Variants in TRAFD1 observed in about 807,000 individuals in gnomAD.
TRAFD1 encodes TRAF-type zinc finger domain containing 1, also known as TRAF-type zinc finger domain-containing protein 1.
Under a neutral mutation model 65.3 loss-of-function variants are expected in TRAFD1, and 38 were observed. The ratio of observed to expected loss-of-function variants is 0.58; its 90% CI spans 0.45 to 0.76. TRAFD1 has a LOEUF of 0.76. Among genes scored for constraint, TRAFD1 ranks in the 30% least tolerant of loss-of-function variants. The probability of loss-of-function intolerance (pLI) is 0.00; values close to 1 mark genes in which losing one functional copy is unlikely to be tolerated. For synonymous variants in TRAFD1, 223 were observed against 257.2 expected, an observed-to-expected ratio of 0.87 and a Z score of 1.27; for missense variants, 631 against 712.6, an observed-to-expected ratio of 0.89 and a Z score of 1.30.
At chr12:112,150,586 G>T (rs938673791) in intron 9 of TRAFD1, among the ~76,000 whole-genome samples, 2 of 151,416 alleles carry the variant, frequency 1.3e-5, no homozygotes, top group African/African-American at 4.9e-5. Flanking sequence ...TTTAGACAGG[G>T]TCTCTTTGTC....
intron 6 of TRAFD1, among the ~76,000 whole-genome samples, chr12:112,145,172 G>A (rs1358699312): frequency 1.3e-5 from 2 of 152,144 alleles, no homozygotes; most frequent in South Asian, 4.1e-4. Flanking sequence ...ACTGGGAGGA[G>A]TATTCAGGAT....
intron 4 of TRAFD1, among the ~76,000 whole-genome samples, chr12:112,138,340 A>C (rs2136973640): frequency 6.6e-6 from 1 of 152,304 alleles, no homozygotes; most frequent in Admixed American, 6.5e-5. Context: ...ACTTGAGGTC[A>C]GAAGTTCAAG....
intron 1 of TRAFD1, among the ~76,000 whole-genome samples, chr12:112,129,029 TAA>T (rs543476356): frequency 2.1e-4 from 19 of 91,514 alleles, no homozygotes; most frequent in South Asian, 1.0e-3. Context: ...AGACTCTGTT[TAA>T]AAAAAAAAAA....
intron 8 of TRAFD1, 116 bp downstream of exon 8, chr12:112,148,420 C>A: frequency 1.1e-6 from 1 of 875,072 alleles, no homozygotes. Flanking sequence ...GGAATGCACA[C>A]ACTTGGCTTC....
At chr12:112,140,419 CA>C (rs548396276) in intron 4 of TRAFD1, among the ~76,000 whole-genome samples, 2,133 of 69,184 alleles carry the variant, frequency 0.031, 37 homozygotes, top group African/African-American at 0.086. Context: ...GACACTGTCT[CA>C]AAAAAAAAAA....
At chr12:112,151,737 C>G (rs1593874638) in intron 9 of TRAFD1, 64 bp from the exon 10 acceptor site, 1 of 1,497,158 alleles carries the variant, frequency 6.7e-7, no homozygotes, top group South Asian at 1.3e-5. Flanking sequence ...TGTTCCTGCC[C>G]TAAACCTGGC....
intron 3 of TRAFD1, 66 bp from the exon 4 acceptor site, chr12:112,134,947 A>C: frequency 6.2e-7 from 1 of 1,613,806 alleles, no homozygotes; most frequent in Admixed American, 1.7e-5. Context: ...TCTGTTTGCT[A>C]TTGTGCAATA....
chr12:112,152,711 C>G lies in TRAFD1; in HGVS notation c.1693-24C>G, dbSNP rs373393335. ...CTTTTTCACTTTTTATGTAAAGCTTCGTTTGTGTTGTGTTGTTCACCAGGC... is the reference window on the plus strand; with the variant it reads ...CTTTTTCACTTTTTATGTAAAGCTTGGTTTGTGTTGTGTTGTTCACCAGGC... On this transcript the variant is annotated intron_variant, in intron 11 of 11. Coordinates refer to ENST00000412615, the MANE Select transcript of TRAFD1 (RefSeq NM_006700.3). This position sits in a 1 kb window ranked among gnomAD's most constrained non-coding sequence, Gnocchi z 5.0. The G allele has an allele frequency of 7.9e-5, 128 of 1,614,068 alleles. 1 individual carries two copies. The South Asian group carries it at 1.2e-3, about 15-fold the overall frequency.
At position 112,148,245 on chromosome 12, in the gene TRAFD1, A is replaced by G. The variant is rs760026293; in HGVS notation, c.1099A>G (p.Ile367Val). 6.8e-6 allele frequency: 11 copies of G among 1,614,036 alleles called. No homozygotes were observed. The highest frequency in any genetic ancestry group is 6.8e-6 in the Non-Finnish European group (8 of 1,180,018). ...SNSHPVEESI[I>V]IPCEFCGVQL... ...TTCACACCCTGTGGAGGAGAGCATCATTATCCCATGTGAATTCTGTGGGGT... is the reference window on the plus strand; with the variant it reads ...TTCACACCCTGTGGAGGAGAGCATCGTTATCCCATGTGAATTCTGTGGGGT... The change falls in exon 8 of 12, where the codon ATT (isoleucine) becomes GTT (valine). Residue 367 changes from isoleucine to valine, a missense_variant. Physicochemically the swap from Ile to Val is conservative, Grantham distance 29 (BLOSUM62 3). Coordinates refer to ENST00000412615, the MANE Select transcript of TRAFD1 (RefSeq NM_006700.3).
intron 1 of TRAFD1, among the ~76,000 whole-genome samples, chr12:112,127,448 G>A (rs1324743561): frequency 1.3e-5 from 2 of 152,180 alleles, no homozygotes; most frequent in Non-Finnish European, 2.9e-5. Flanking sequence ...CCAGGGCACA[G>A]TGGCACACAG....
At chr12:112,143,456 G>A (rs2030146397) in intron 6 of TRAFD1, among the ~76,000 whole-genome samples, 1 of 148,242 alleles carries the variant, frequency 6.7e-6, no homozygotes, top group South Asian at 2.1e-4. Flanking sequence ...AACTCTTGAT[G>A]TCAGGTGATC....
At chr12:112,140,093 G>A (rs1402469627) in intron 4 of TRAFD1, 8 of 318,546 alleles carry the variant, frequency 2.5e-5, no homozygotes, top group African/African-American at 4.5e-5. Context: ...TCTTTCTAAA[G>A]TGCAGTTTCT....
At chr12:112,143,189 C>T (rs1044913847) in intron 6 of TRAFD1, among the ~76,000 whole-genome samples, 50 of 152,318 alleles carry the variant, frequency 3.3e-4, no homozygotes, top group Admixed American at 2.4e-3. Context: ...ACGCCATTCA[C>T]CTGCCTCAGT....
At chr12:112,146,403 G>A (rs2030248466) in intron 7 of TRAFD1, among the ~76,000 whole-genome samples, 1 of 151,916 alleles carries the variant, frequency 6.6e-6, no homozygotes, top group African/African-American at 2.4e-5. Context: ...GCTCATTTCA[G>A]CAGACCTGGA....
In TRAFD1 at chr12:112,152,042, C is replaced by G. The variant is rs1279999565; in HGVS notation, c.1521C>G (p.Ala507=). The G allele has an allele frequency of 6.2e-7, 1 of 1,614,206 alleles. No individual in the cohort carries two copies. The highest frequency in any genetic ancestry group is 1.1e-5 in the South Asian group (1 of 91,082). ...GAGACAGCCAGAATGGGGCCATAGC[C>G]CCTGGGCACGTTTCAGTGATTCGCC... ...RNRDSQNGAI[A]PGHVSVIRPP... Residue 507 remains alanine, a synonymous_variant, in exon 10 of 12, where the codon GCC becomes GCG. Transcript: ENST00000412615. This position sits in a 1 kb window ranked among gnomAD's most constrained non-coding sequence, Gnocchi z 5.0.
intron 9 of TRAFD1, 54 bp from the exon 10 acceptor site, chr12:112,151,747 C>T (rs1423803946): frequency 6.6e-6 from 10 of 1,524,524 alleles, no homozygotes; most frequent in Admixed American, 3.8e-5. Flanking sequence ...CTAAACCTGG[C>T]ACTATAGCCA....
chr12:112,152,017 G>C lies in TRAFD1; in HGVS notation c.1496G>C (p.Arg499Pro). ...SDSQDIQGRN[R>P]DSQNGAIAPG... ...AGCCAGGACATCCAGGGGCGGAATC[G>C]AGACAGCCAGAATGGGGCCATAGCC... The change falls in exon 10 of 12, where the codon CGA (arginine) becomes CCA (proline). Residue 499 changes from arginine to proline, a missense_variant. Transcript: ENST00000412615. The surrounding 1 kb of genome is among the most constrained non-coding windows in gnomAD (Gnocchi z 5.0). 1 of 1,614,228 alleles carries C rather than the reference G, an allele frequency of 6.2e-7. No homozygotes were observed. The highest frequency in any genetic ancestry group is 8.5e-7 in the Non-Finnish European group (1 of 1,180,048).
chr12:112,150,241 C>CTAT (rs1003314812), intron 9 of TRAFD1, among the ~76,000 whole-genome samples: 1 of 151,962 alleles, frequency 6.6e-6, no homozygotes, highest in Non-Finnish European at 1.5e-5. Context: ...GTACTCAAAC[C>CTAT]TATTATTATT....
chr12:112,129,029 T>TAAA (rs543476356), intron 1 of TRAFD1, among the ~76,000 whole-genome samples: 4 of 91,524 alleles, frequency 4.4e-5, no homozygotes, highest in African/African-American at 1.2e-4. Flanking sequence ...AGACTCTGTT[T>TAAA]AAAAAAAAAA....
Sources: gnomAD v4.1 joint callset for allele counts (sites outside exome capture counted in the v4.1 genomes callset) on GRCh38, gnomAD v4.1.1 for gene constraint, Gnocchi (gnomAD v3.1) non-coding constraint, MANE v1.5 for transcripts, NCBI Gene and HGNC (gene_info 2026-07-23, HGNC 2026-07-21) for gene names.